The following BTN2A2 variants were observed in gnomAD, a reference collection of about 807,000 sequenced individuals.
BTN2A2 encodes butyrophilin subfamily 2 member A2, also known as butyrophilin 2.
A neutral mutation model predicts 34.7 loss-of-function variants in BTN2A2; 29 were observed. That is an observed-to-expected ratio of 0.84 (90% confidence interval 0.62 to 1.14). BTN2A2 has a LOEUF of 1.14. BTN2A2 is among the 50% of genes most tolerant of loss of function. The pLI, the probability that BTN2A2 is intolerant of heterozygous loss-of-function variation, is 0.00. For synonymous variants in BTN2A2, 240 were observed against 253.1 expected, an observed-to-expected ratio of 0.95 and a Z score of 0.49; for missense variants, 612 against 651.5, an observed-to-expected ratio of 0.94 and a Z score of 0.66.
At chr6:26,390,985 T>G in intron 7 of BTN2A2, 156 bp downstream of exon 7, 6 of 1,097,536 alleles carry the variant, frequency 5.5e-6, no homozygotes, top group Non-Finnish European at 6.9e-6. Context: ...TGATGCATCA[T>G]GGCTCTTCTG....
In BTN2A2 at chr6:26,383,920, G is replaced by A; in HGVS notation, c.94+5G>A. The A allele has an allele frequency of 6.2e-7, 1 of 1,612,772 alleles. No individual in the cohort carries two copies. The highest frequency in any genetic ancestry group is 8.5e-7 in the Non-Finnish European group (1 of 1,178,808). On this transcript the variant is annotated splice_donor_5th_base_variant and intron_variant, in intron 2 of 7. Coordinates refer to ENST00000356709, the MANE Select transcript of BTN2A2 (RefSeq NM_006995.5). This position sits in a 1 kb window ranked among gnomAD's most constrained non-coding sequence, Gnocchi z 4.4. ...GCCTGTGTGCACTGGTCTCAGGTAG[G>A]GATGTGTGTCACTTGCTGCTGTCAC...
At chr6:26,390,958 C>T in intron 7 of BTN2A2, 129 bp downstream of exon 7, 1 of 1,402,244 alleles carries the variant, frequency 7.1e-7, no homozygotes, top group Non-Finnish European at 1.0e-6. Context: ...GTCAGTTCAT[C>T]AACGGTGTCC....
chr6:26,392,700 G>A lies in BTN2A2; in HGVS notation c.1305G>A (p.Arg435=). 1 of 1,614,210 alleles carries A rather than the reference G, an allele frequency of 6.2e-7. No homozygotes were observed. The highest frequency in any genetic ancestry group is 8.5e-7 in the Non-Finnish European group (1 of 1,180,030). ...ACCGGGCCCTGTCCTCCCCTGAGAG[G>A]ATTCTCCCTTTGAAGGAGTCCCTTT... The part of the protein sequence containing the change: ...NQYRALSSPE[R]ILPLKESLCR... Residue 435 remains arginine, a synonymous_variant, in exon 8 of 8, where the codon AGG becomes AGA. Transcript: ENST00000356709.
chr6:26,392,134 T>C, intron 7 of BTN2A2: 5 of 1,302,918 alleles, frequency 3.8e-6, no homozygotes, highest in Middle Eastern at 3.7e-4. Context: ...CTAAACTCTC[T>C]GGATTTCATA....
intron 4 of BTN2A2, among the ~76,000 whole-genome samples, chr6:26,389,129 A>G (rs146128092): frequency 7.2e-5 from 11 of 152,294 alleles, no homozygotes; most frequent in African/African-American, 2.6e-4. Context: ...AAGAAAAAGA[A>G]AAAAAGGGAG....
Position 26,393,768 on chromosome 6 carries a change from T to C in BTN2A2, c.*801T>C. 1 of 986,332 alleles carries C rather than the reference T, an allele frequency of 1.0e-6. No homozygotes were observed. Among genetic ancestry groups the C allele is most frequent in the Non-Finnish European group, 1.2e-6 (1 of 830,572 alleles). The allele number at this position is 986,332 out of a possible 1,614,324, so 61.1% of individuals were successfully genotyped here. ...GGGACACCAGTGGCTTCAAACTTCCTGATCTAATTATGTTTTTAGACACTT... is the reference window on the plus strand; with the variant it reads ...GGGACACCAGTGGCTTCAAACTTCCCGATCTAATTATGTTTTTAGACACTT... On this transcript the variant is annotated 3_prime_UTR_variant, in exon 8 of 8. Coordinates refer to ENST00000356709, the MANE Select transcript of BTN2A2 (RefSeq NM_006995.5).
chr6:26,389,412 GAGGA>G (rs1761426381), intron 4 of BTN2A2, among the ~76,000 whole-genome samples: 3 of 152,194 alleles, frequency 2.0e-5, no homozygotes, highest in Admixed American at 2.0e-4. Context: ...CAAAAGGCCT[GAGGA>G]AGGAGCTTGT....
chr6:26,393,246 A>G lies in BTN2A2; in HGVS notation c.*279A>G. The G allele has an allele frequency of 6.8e-7, 1 of 1,463,264 alleles. No individual in the cohort carries two copies. The highest frequency in any genetic ancestry group is 2.5e-5 in the East Asian group (1 of 39,466). The allele number at this position is 1,463,264 out of a possible 1,614,324, so 90.6% of individuals were successfully genotyped here. A position where few individuals can be genotyped will look rare whatever the true frequency, so the allele number is the denominator to read the frequency against. On this transcript the variant is annotated 3_prime_UTR_variant, in exon 8 of 8. Transcript: ENST00000356709. ...TCCCAGTCAAAAAGAAAGTGAGAGAAGCTGTTGGGCAGCGAACCTACTGTT... is the reference window on the plus strand; with the variant it reads ...TCCCAGTCAAAAAGAAAGTGAGAGAGGCTGTTGGGCAGCGAACCTACTGTT...
At position 26,394,188 on chromosome 6, in the gene BTN2A2, C is replaced by A. The variant is rs1761761789; in HGVS notation, c.*1221C>A. ...TATTATTGTGAAAATATTATTAACACTGGGGACTCCTTAAGAGTACATCAG... is the reference window on the plus strand; with the variant it reads ...TATTATTGTGAAAATATTATTAACAATGGGGACTCCTTAAGAGTACATCAG... On this transcript the variant is annotated 3_prime_UTR_variant, in exon 8 of 8. Coordinates refer to ENST00000356709, the MANE Select transcript of BTN2A2 (RefSeq NM_006995.5). The A allele has an allele frequency of 6.4e-6, 4 of 629,416 alleles. No individual in the cohort carries two copies. Among genetic ancestry groups the A allele is most frequent in the Non-Finnish European group, 1.2e-5 (4 of 347,172 alleles). 39.0% of individuals were successfully genotyped at this position (629,416 alleles called of 1,614,324 possible). A position where few individuals can be genotyped will look rare whatever the true frequency, so the allele number is the denominator to read the frequency against.
chr6:26,393,567 C>T lies in BTN2A2; in HGVS notation c.*600C>T. On this transcript the variant is annotated 3_prime_UTR_variant, in exon 8 of 8. Transcript: ENST00000356709. ...ATTTCCACAGCACACACCCACAGGC[C>T]TGGACCTGGGATGAAGATGAATGAA... 5.0e-6 allele frequency: 5 copies of T among 1,008,576 alleles called. No individual in the cohort carries two copies. The highest frequency in any genetic ancestry group is 5.9e-6 in the Non-Finnish European group (5 of 844,300). 62.5% of individuals were successfully genotyped at this position (1,008,576 alleles called of 1,614,324 possible).
At chr6:26,387,934 T>A in intron 3 of BTN2A2, 79 bp from the exon 4 acceptor site, 1 of 1,462,310 alleles carries the variant, frequency 6.8e-7, no homozygotes, top group Non-Finnish European at 9.2e-7. Flanking sequence ...CCAAGGGTCT[T>A]TCTAGCAACC....
chr6:26,389,812 C>T (rs544864632), intron 4 of BTN2A2, among the ~76,000 whole-genome samples, 193 bp from the exon 5 acceptor site: 1 of 152,330 alleles, frequency 6.6e-6, no homozygotes, highest in African/African-American at 2.4e-5. Context: ...GCTTTGCCCC[C>T]TTCTGGGCCC....
chr6:26,394,355 G>T lies in BTN2A2; in HGVS notation c.*1388G>T. 1 of 699,614 alleles carries T rather than the reference G, an allele frequency of 1.4e-6. No individual in the cohort carries two copies. The highest frequency in any genetic ancestry group is 2.6e-6 in the Non-Finnish European group (1 of 384,224). 43.3% of individuals were successfully genotyped at this position (699,614 alleles called of 1,614,324 possible). A position where few individuals can be genotyped will look rare whatever the true frequency, so the allele number is the denominator to read the frequency against. On this transcript the variant is annotated 3_prime_UTR_variant, in exon 8 of 8. Coordinates refer to ENST00000356709, the MANE Select transcript of BTN2A2 (RefSeq NM_006995.5). ...ACAGCTGGTACAACATTATTTCTGG[G>T]TGTGTCTGTGAGTGTGTTTCCAGAA...
At chr6:26,386,626 C>T (rs1488797535) in intron 3 of BTN2A2, among the ~76,000 whole-genome samples, 1 of 152,148 alleles carries the variant, frequency 6.6e-6, no homozygotes, top group Non-Finnish European at 1.5e-5. Context: ...GTGGCAGGGA[C>T]CCACTACTCT....
Position 26,392,211 on chromosome 6 carries a change from G to A in BTN2A2, c.980-164G>A, listed in dbSNP as rs374156386. 1.5e-5 allele frequency: 23 copies of A among 1,543,580 alleles called. No individual in the cohort carries two copies. The African/African-American group carries it at 1.9e-4, about 13-fold the overall frequency. ...CTGGAGAGATAGAAGTGCAGCTTCC[G>A]TAATTCTCAGGGTATGAGCTGCCTG... On this transcript the variant is annotated intron_variant, in intron 7 of 7. Transcript: ENST00000356709.
chr6:26,388,404 C>G, intron 4 of BTN2A2, 110 bp downstream of exon 4: 1 of 1,321,942 alleles, frequency 7.6e-7, no homozygotes, highest in Non-Finnish European at 1.1e-6. Flanking sequence ...GGTCCTGGGC[C>G]CTGAGGAGCT....
In BTN2A2 at chr6:26,394,366, AGT is replaced by A; in HGVS notation, c.*1404_*1405del. On this transcript the variant is annotated 3_prime_UTR_variant, in exon 8 of 8. Transcript: ENST00000356709. Reference sequence around the variant, plus strand: ...AACATTATTTCTGGGTGTGTCTGTGAGTGTGTTTCCAGAAGAGATTGGCAAGT... The same window carrying A: ...AACATTATTTCTGGGTGTGTCTGTGAGTGTTTCCAGAAGAGATTGGCAAGT... The A allele has an allele frequency of 1.4e-6, 1 of 697,398 alleles. No homozygotes were observed. Among genetic ancestry groups the A allele is most frequent in the East Asian group, 2.7e-5 (1 of 37,094 alleles). The allele number at this position is 697,398 out of a possible 1,614,324, so 43.2% of individuals were successfully genotyped here.
rs1015662126 is a variant in BTN2A2 at position 26,384,822 on chromosome 6, T to C, written c.95-193T>C. Among the ~76,000 whole-genome samples, 1 of 152,228 alleles carries C rather than the reference T, an allele frequency of 6.6e-6. No individual in the cohort carries two copies. The highest frequency in any genetic ancestry group is 2.4e-5 in the African/African-American group (1 of 41,462). On this transcript the variant is annotated intron_variant, in intron 2 of 7. Transcript: ENST00000356709. This position sits in a 1 kb window ranked among gnomAD's most constrained non-coding sequence, Gnocchi z 4.0. Reference sequence around the variant, plus strand: ...CTCAATAGTTACTGCTCCCAGGGGTTGGTGCTGCCGACCAGCCACAGCTAC... The same window carrying C: ...CTCAATAGTTACTGCTCCCAGGGGTCGGTGCTGCCGACCAGCCACAGCTAC...
chr6:26,391,113 A>G, intron 7 of BTN2A2: 1 of 567,316 alleles, frequency 1.8e-6, no homozygotes, highest in East Asian at 2.9e-5. Flanking sequence ...TAGCCTCCTA[A>G]GAGTTACATT....
Sources: gnomAD v4.1 joint callset for allele counts (sites outside exome capture counted in the v4.1 genomes callset) on GRCh38, gnomAD v4.1.1 for gene constraint, Gnocchi (gnomAD v3.1) non-coding constraint, MANE v1.5 for transcripts, NCBI Gene and HGNC (gene_info 2026-07-23, HGNC 2026-07-21) for gene names.